MYRIP: variants seen among roughly 807,000 people sequenced by gnomAD.
The protein encoded by MYRIP is rab effector MyRIP.
Under a neutral mutation model 98.0 loss-of-function variants are expected in MYRIP, and 49 were observed. That is an observed-to-expected ratio of 0.50 (90% CI 0.40 to 0.63). The LOEUF (loss-of-function observed/expected upper bound fraction) is 0.63. Ranked by LOEUF, MYRIP falls within the 30% of genes least tolerant of loss-of-function variation. The pLI is 0.00. For synonymous variants in MYRIP, 404 were observed against 409.5 expected, an observed-to-expected ratio of 0.99 and a Z score of 0.16; for missense variants, 1,004 against 1,058.2, an observed-to-expected ratio of 0.95 and a Z score of 0.71.
intron 3 of MYRIP, among the ~76,000 whole-genome samples, chr3:40,108,810 C>T (rs1444543054): frequency 6.6e-6 from 1 of 152,166 alleles, no homozygotes; most frequent in Non-Finnish European, 1.5e-5. Context: ...CTTTGACTTG[C>T]TTTCCTGGAG....
chr3:40,256,306 AC>A (rs1477505290), intron 16 of MYRIP, among the ~76,000 whole-genome samples: 5 of 152,188 alleles, frequency 3.3e-5, no homozygotes, highest in African/African-American at 4.8e-5. Flanking sequence ...CAAAATAACT[AC>A]TGAATTAGAA....
chr3:40,039,325 G>A (rs1947458261), intron 2 of MYRIP, among the ~76,000 whole-genome samples: 3 of 152,072 alleles, frequency 2.0e-5, no homozygotes, highest in Admixed American at 6.6e-5. Context: ...ACTTTATCAT[G>A]CCTTAAAAAG....
chr3:39,833,114 G>A (rs578246516), intron 1 of MYRIP, among the ~76,000 whole-genome samples: 24 of 152,154 alleles, frequency 1.6e-4, no homozygotes, highest in Middle Eastern at 3.4e-3. Context: ...AGTGTTTAGT[G>A]AAAAAAGAAG....
At position 40,244,521 on chromosome 3, in the gene MYRIP, C is replaced by A; in HGVS notation, c.2176C>A (p.His726Asn). The part of the protein sequence containing the change: ...TELEDAARCI[H>N]SGTDETHLAD... ...GCTAGAAGATGCCGCCCGCTGCATC[C>A]ACAGTGGCACTGATGAGACCCATCT... The change falls in exon 13 of 17, where the codon CAC becomes AAC. Residue 726 changes from histidine (H) to asparagine (N), a missense_variant. His to Asn is a moderately conservative substitution (Grantham distance 68). Around this residue, in one of 3 missense-constraint regions of MYRIP, gnomAD observed 880 missense variants for 907.7 expected, o/e 0.97. Coordinates refer to ENST00000302541, the MANE Select transcript of MYRIP (RefSeq NM_015460.4). 1.2e-6 allele frequency: 2 copies of A among 1,614,010 alleles called. No homozygotes were observed. The highest frequency in any genetic ancestry group is 1.7e-6 in the Non-Finnish European group (2 of 1,179,928).
chr3:39,977,726 G>T (rs996486827), intron 2 of MYRIP, among the ~76,000 whole-genome samples: 1 of 152,126 alleles, frequency 6.6e-6, no homozygotes, highest in African/African-American at 2.4e-5. Context: ...TTAATTTCTA[G>T]ATCAACATTT....
At position 40,190,070 on chromosome 3, in the gene MYRIP, G is replaced by A. The variant is rs1168449059; in HGVS notation, c.1272G>A (p.Gln424=). The A allele has an allele frequency of 1.2e-6, 2 of 1,613,860 alleles. No homozygotes were observed. Among genetic ancestry groups the A allele is most frequent in the African/African-American group, 2.7e-5 (2 of 74,906 alleles). The change falls in exon 10 of 17, where the codon CAG becomes CAA. Residue 424 remains glutamine (Q), a synonymous_variant. Coordinates refer to ENST00000302541, the MANE Select transcript of MYRIP (RefSeq NM_015460.4). ...CCCTGCCCAGGAACCCCCAGCCTCAGCCCACACAGGCCCAGAGCTCTGACC... is the reference window on the plus strand; with the variant it reads ...CCCTGCCCAGGAACCCCCAGCCTCAACCCACACAGGCCCAGAGCTCTGACC... ...SRALPRNPQP[Q]PTQAQSSDQG...
At chr3:40,036,318 A>AAC (rs1333242820) in intron 2 of MYRIP, among the ~76,000 whole-genome samples, 188 of 149,060 alleles carry the variant, frequency 1.3e-3, no homozygotes, top group Middle Eastern at 3.4e-3. Flanking sequence ...AAAAAAAAAA[A>AAC]AAAAAACTTT....
chr3:40,030,125 G>A (rs2125817194), intron 2 of MYRIP, among the ~76,000 whole-genome samples: 1 of 151,466 alleles, frequency 6.6e-6, no homozygotes. Context: ...GGGGAGGGGA[G>A]GAAGGGAAGG....
intron 4 of MYRIP, among the ~76,000 whole-genome samples, chr3:40,152,936 G>C (rs187302755): frequency 7.7e-6 from 1 of 129,602 alleles, no homozygotes; most frequent in African/African-American, 2.9e-5. Context: ...GGGCAGCATA[G>C]CACAATCCTG....
At chr3:40,246,208 GA>G (rs1953198219) in intron 13 of MYRIP, among the ~76,000 whole-genome samples, 1 of 151,582 alleles carries the variant, frequency 6.6e-6, no homozygotes, top group African/African-American at 2.4e-5. Flanking sequence ...GATGCACCCA[GA>G]AAAAAAGAGA....
intron 1 of MYRIP, among the ~76,000 whole-genome samples, chr3:39,870,483 C>T (rs1208290065): frequency 6.6e-6 from 1 of 152,146 alleles, no homozygotes; most frequent in African/African-American, 2.4e-5. Flanking sequence ...CTGATATTTT[C>T]TTCTGGCTAT....
chr3:40,022,881 G>A (rs946591647), intron 2 of MYRIP, among the ~76,000 whole-genome samples: 9 of 152,256 alleles, frequency 5.9e-5, no homozygotes, highest in East Asian at 1.9e-4. Context: ...TATTTTAGAC[G>A]TTTTGAGTTT....
intron 3 of MYRIP, among the ~76,000 whole-genome samples, chr3:40,123,498 A>G (rs1008667265): frequency 2.0e-5 from 3 of 152,200 alleles, no homozygotes; most frequent in African/African-American, 7.2e-5. Context: ...CCTCTCCAGC[A>G]TAAGTCTCAG....
chr3:40,249,140 T>G (rs1293506233), intron 13 of MYRIP, among the ~76,000 whole-genome samples: 1 of 152,198 alleles, frequency 6.6e-6, no homozygotes, highest in Non-Finnish European at 1.5e-5. Flanking sequence ...CACAGAATTG[T>G]GGAGGGCTGA....
intron 1 of MYRIP, among the ~76,000 whole-genome samples, chr3:39,826,452 A>G (rs1689521042): frequency 6.6e-6 from 1 of 151,982 alleles, no homozygotes; most frequent in Non-Finnish European, 1.5e-5. Context: ...TAATTTCTGT[A>G]TATTTGTATA....
upstream of MYRIP, among the ~76,000 whole-genome samples, chr3:39,809,388 T>TGCGCCCCGCCCCTCCCGGC (rs1477563028): frequency 6.7e-6 from 1 of 148,896 alleles, no homozygotes; most frequent in African/African-American, 2.4e-5. Flanking sequence ...CTCCTCCCGG[T>TGCGCCCCGCCCCTCCCGGC]GCGCCCCGCC....
At chr3:40,158,662 T>C (rs1397055050) in intron 4 of MYRIP, among the ~76,000 whole-genome samples, 2 of 152,268 alleles carry the variant, frequency 1.3e-5, no homozygotes, top group East Asian at 3.9e-4. Context: ...AGGACTTGCT[T>C]TATGAATCTG....
intron 2 of MYRIP, among the ~76,000 whole-genome samples, chr3:39,972,502 C>A (rs1945611574): frequency 6.6e-6 from 1 of 151,996 alleles, no homozygotes; most frequent in Non-Finnish European, 1.5e-5. Context: ...AAATAATAAA[C>A]ATTGCTTTTT....
intron 1 of MYRIP, among the ~76,000 whole-genome samples, chr3:39,894,962 A>G (rs562125558): frequency 6.6e-6 from 1 of 152,368 alleles, no homozygotes; most frequent in East Asian, 1.9e-4. Flanking sequence ...CCAGAATCTT[A>G]TTAAATGAAA....
Sources: gnomAD v4.1 joint callset for allele counts (sites outside exome capture counted in the v4.1 genomes callset) on GRCh38, gnomAD v4.1.1 for gene constraint, gnomAD v4.1.1 regional missense constraint, MANE v1.5 for transcripts, NCBI Gene and HGNC (gene_info 2026-07-23, HGNC 2026-07-21) for gene names.